The following GABRG2 variants were observed in gnomAD, a reference collection of about 807,000 sequenced individuals.
The protein encoded by GABRG2 is gamma-aminobutyric acid type A receptor subunit gamma2.
A neutral mutation model predicts 56.4 loss-of-function variants in GABRG2; 16 were observed. That is an observed-to-expected ratio of 0.28 (90% CI 0.19 to 0.43). The LOEUF is 0.43. GABRG2 is among the 20% of genes least tolerant of loss of function. GABRG2 has a pLI of 1.00. For missense variants in GABRG2, 327 were observed against 582.7 expected (o/e 0.56, Z 4.52); for synonymous variants, 208 against 205.5 (o/e 1.01, Z -0.10).
intron 6 of GABRG2, among the ~76,000 whole-genome samples, chr5:162,123,029 T>A (rs546717164): frequency 1.3e-5 from 2 of 151,804 alleles, no homozygotes; most frequent in Admixed American, 1.3e-4. Context: ...TCTGGCACAG[T>A]CAAGAAAGTA....
At chr5:162,067,471 A>G, upstream of GABRG2, 1 of 418,438 alleles carries the variant, frequency 2.4e-6, no homozygotes, top group Non-Finnish European at 4.2e-6. Context: ...CATCACTTCC[A>G]CTTTGACCTC....
chr5:162,097,682 A>T lies in GABRG2; in HGVS notation c.372A>T (p.Arg124Ser), dbSNP rs754884716. ...DIFFAQTWYD[R>S]RLKFNSTIKV... ...TTTTTGCGCAAACGTGGTATGACAG[A>T]CGTTTGAAATTTAACAGCACCATTA... Residue 124 changes from arginine to serine, a missense_variant, in exon 4 of 10, where the codon AGA becomes AGT. Physicochemically the swap from Arg to Ser is moderately radical, Grantham distance 110. Around this residue, in one of 4 missense-constraint regions of GABRG2, gnomAD observed 104 missense variants for 209.3 expected, o/e 0.50. Transcript: ENST00000639213. The T allele has an allele frequency of 1.6e-5, 26 of 1,613,728 alleles. No individual in the cohort carries two copies. Among genetic ancestry groups the T allele is most frequent in the Non-Finnish European group, 1.9e-5 (22 of 1,179,840 alleles).
In GABRG2 at chr5:162,153,407, A is replaced by G. The variant is rs1765514634; in HGVS notation, c.*39A>G. The G allele has an allele frequency of 6.2e-7, 1 of 1,601,068 alleles. No homozygotes were observed. ...TTACTGATATGGTTCTTATTCACTG[A>G]GTCTCATGGAGAGATGTCTGTTCTA... is the stretch of plus-strand genomic sequence containing the variant. On this transcript the variant is annotated 3_prime_UTR_variant, in exon 10 of 10. Coordinates refer to ENST00000639213, the MANE Select transcript of GABRG2 (RefSeq NM_198904.4).
chr5:162,112,576 A>C (rs1372214109), intron 6 of GABRG2, among the ~76,000 whole-genome samples: 1 of 152,234 alleles, frequency 6.6e-6, no homozygotes, highest in Non-Finnish European at 1.5e-5. Flanking sequence ...TCAGCATTGC[A>C]GATACGCACT....
Position 162,072,580 on chromosome 5 carries a change from G to T in GABRG2, c.107+4474G>T, listed in dbSNP as rs570902566. 1.4e-4 allele frequency among the ~76,000 whole-genome samples: 21 copies of T among 152,044 alleles called. No homozygotes were observed. In the South Asian group the frequency reaches 4.4e-3, roughly 32 times the overall value. ...ACAATGCGTCTTTCTGCTGCCAGGG[G>T]ATCAGACACCTATGTGACCTCTTCA... On this transcript the variant is annotated intron_variant, in intron 1 of 9. Coordinates refer to ENST00000639213, the MANE Select transcript of GABRG2 (RefSeq NM_198904.4).
chr5:162,067,556 C>T, upstream of GABRG2: 1 of 437,646 alleles, frequency 2.3e-6, no homozygotes. Context: ...AATACACACA[C>T]CCACAGGGCT....
chr5:162,151,348 C>T lies in GABRG2; in HGVS notation c.1129-382C>T, dbSNP rs191950290. The T allele has an allele frequency of 8.9e-4, 149 of 167,342 alleles. 1 individual carries two copies. The highest frequency in any genetic ancestry group is 3.3e-3 in the African/African-American group (137 of 41,924). The allele number at this position is 167,342 out of a possible 1,614,324, so 10.4% of individuals were successfully genotyped here. A position where few individuals can be genotyped will look rare whatever the true frequency, so the allele number is the denominator to read the frequency against. On this transcript the variant is annotated intron_variant, in intron 8 of 9. Coordinates refer to ENST00000639213, the MANE Select transcript of GABRG2 (RefSeq NM_198904.4). Reference sequence around the variant, plus strand: ...AAGTTTATTTTCCTGTTTAATATGCCTTTTGGATAATTGTGTCAAGACTCA... The same window carrying T: ...AAGTTTATTTTCCTGTTTAATATGCTTTTTGGATAATTGTGTCAAGACTCA...
chr5:162,146,787 T>C (rs1356999964), intron 7 of GABRG2, among the ~76,000 whole-genome samples: 2 of 152,214 alleles, frequency 1.3e-5, no homozygotes, highest in East Asian at 1.9e-4. Context: ...CCCTTGATCA[T>C]CTCTTTCCTG....
intron 6 of GABRG2, among the ~76,000 whole-genome samples, chr5:162,123,205 T>A (rs150779153): frequency 2.6e-5 from 4 of 151,754 alleles, no homozygotes; most frequent in African/African-American, 9.7e-5. Flanking sequence ...TTGTTTTCTA[T>A]CAATAAAATC....
intron 1 of GABRG2, among the ~76,000 whole-genome samples, chr5:162,070,363 T>C (rs1170275888): frequency 6.6e-6 from 1 of 152,018 alleles, no homozygotes. Context: ...ATTTGAATTG[T>C]TGAGTAGGAC....
intron 6 of GABRG2, among the ~76,000 whole-genome samples, chr5:162,140,515 T>G (rs972308836): frequency 6.6e-6 from 1 of 152,142 alleles, no homozygotes; most frequent in Non-Finnish European, 1.5e-5. Flanking sequence ...TTCAATCTTC[T>G]CTGCATGAGG....
rs1027564366 is a variant in GABRG2, at chr5:162,149,899, C to G, written c.1128+586C>G. ...AAAGTGCTGGGATTAGATGCGTGAGCCACTGCGCCTGGCCATGATAATATT... is the reference window on the plus strand; with the variant it reads ...AAAGTGCTGGGATTAGATGCGTGAGGCACTGCGCCTGGCCATGATAATATT... On this transcript the variant is annotated intron_variant, in intron 8 of 9. Coordinates refer to ENST00000639213, the MANE Select transcript of GABRG2 (RefSeq NM_198904.4). 91 of 263,602 alleles carry G rather than the reference C, an allele frequency of 3.5e-4. No homozygotes were observed. In the Middle Eastern group the frequency reaches 5.6e-3, roughly 16 times the overall value. The allele number at this position is 263,602 out of a possible 1,614,324, so 16.3% of individuals were successfully genotyped here. A position where few individuals can be genotyped will look rare whatever the true frequency, so the allele number is the denominator to read the frequency against.
chr5:162,107,608 T>C (rs1287521974), intron 6 of GABRG2, among the ~76,000 whole-genome samples: 1 of 152,210 alleles, frequency 6.6e-6, no homozygotes, highest in Non-Finnish European at 1.5e-5. Flanking sequence ...AGAAAAATAT[T>C]TCCCCTGTGG....
At chr5:162,094,081 A>C in intron 2 of GABRG2, 102 bp downstream of exon 2, 1 of 1,331,434 alleles carries the variant, frequency 7.5e-7, no homozygotes, top group Non-Finnish European at 1.1e-6. Flanking sequence ...GGAAGATTTA[A>C]ATTATACTTT....
At chr5:162,142,137 T>TA in intron 6 of GABRG2, 27 bp from the exon 7 acceptor site, 1 of 1,612,346 alleles carries the variant, frequency 6.2e-7, no homozygotes, top group Non-Finnish European at 8.5e-7. Context: ...TAAAGGGTTG[T>TA]ATGGTGTTAT....
At position 162,153,607 on chromosome 5, in the gene GABRG2, C is replaced by G. The variant is rs889255383; in HGVS notation, c.*239C>G. On this transcript the variant is annotated 3_prime_UTR_variant, in exon 10 of 10. Coordinates refer to ENST00000639213, the MANE Select transcript of GABRG2 (RefSeq NM_198904.4). The stretch of plus-strand genomic sequence containing the variant: ...CCTGCAAGGCAAAGTAAAATTAGAG[C>G]AAGAACATTCAAACCAAATAAGATA... The G allele has an allele frequency of 4.8e-5, 28 of 586,196 alleles. No individual in the cohort carries two copies. The highest frequency in any genetic ancestry group is 4.6e-4 in the Middle Eastern group (1 of 2,196). The allele number at this position is 586,196 out of a possible 1,614,324, so 36.3% of individuals were successfully genotyped here. A position where few individuals can be genotyped will look rare whatever the true frequency, so the allele number is the denominator to read the frequency against.
chr5:162,101,400 A>G, intron 5 of GABRG2, 83 bp downstream of exon 5: 1 of 964,320 alleles, frequency 1.0e-6, no homozygotes, highest in Non-Finnish European at 1.7e-6. Flanking sequence ...AAAGAAGCAT[A>G]ACAAATTTCA....
intron 5 of GABRG2, 140 bp from the exon 6 acceptor site, chr5:162,103,749 A>G (rs1276286736): frequency 1.6e-5 from 14 of 876,870 alleles, no homozygotes; most frequent in Non-Finnish European, 2.6e-5. Context: ...TCTCATTGCA[A>G]TGCCCTTTGG....
At chr5:162,141,788 C>T (rs1764586376) in intron 6 of GABRG2, among the ~76,000 whole-genome samples, 2 of 152,048 alleles carry the variant, frequency 1.3e-5, no homozygotes, top group African/African-American at 4.8e-5. Flanking sequence ...TGTTACAAAA[C>T]CTAGAATGAA....
Sources: gnomAD v4.1 joint callset for allele counts (sites outside exome capture counted in the v4.1 genomes callset) on GRCh38, gnomAD v4.1.1 for gene constraint, gnomAD v4.1.1 regional missense constraint, MANE v1.5 for transcripts, NCBI Gene and HGNC (gene_info 2026-07-23, HGNC 2026-07-21) for gene names.